Variants in PARD3B observed in about 807,000 individuals in gnomAD.
PARD3B encodes the protein partitioning defective 3 homolog B.
A neutral mutation model predicts 130.2 loss-of-function variants in PARD3B; 103 were observed. That is an observed-to-expected ratio of 0.79 (90% CI 0.67 to 0.93). The LOEUF is 0.93. Ranked by LOEUF, PARD3B falls within the 40% of genes least tolerant of loss-of-function variation. The pLI, the probability that PARD3B is intolerant of heterozygous loss-of-function variation, is 0.00. For synonymous variants in PARD3B, 583 were observed against 553.2 expected, an observed-to-expected ratio of 1.05 and a Z score of -0.76; for missense variants, 1,609 against 1,499.2, an observed-to-expected ratio of 1.07 and a Z score of -1.21.
intron 2 of PARD3B, among the ~76,000 whole-genome samples, chr2:204,713,100 G>T (rs991479684): frequency 7.2e-5 from 11 of 151,978 alleles, no homozygotes; most frequent in African/African-American, 2.7e-4. Flanking sequence ...GCTTCTTCCT[G>T]TTGAAGGACA....
Position 205,440,492 on chromosome 2 carries a change from G to A in PARD3B, c.2864G>A (p.Arg955Lys), listed in dbSNP as rs1303714185. 6.2e-7 allele frequency: 1 copy of A among 1,613,976 alleles called. No homozygotes were observed. The highest frequency in any genetic ancestry group is 8.5e-7 in the Non-Finnish European group (1 of 1,179,986). ...DDDEMDPNYA[R>K]VNHFREPCTS... ...GATGAAATGGACCCCAATTATGCCA[G>A]AGTGAACCACTTTCGGGAACCATGC... The change falls in exon 20 of 23, where the codon AGA (arginine) becomes AAA (lysine). Residue 955 changes from arginine (R) to lysine (K), a missense_variant. Physicochemically the swap from Arg to Lys is conservative, Grantham distance 26. Coordinates refer to ENST00000406610, the MANE Select transcript of PARD3B (RefSeq NM_001302769.2). The surrounding 1 kb of genome is among the most constrained non-coding windows in gnomAD (Gnocchi z 4.2).
At chr2:205,221,976 G>A (rs2038265274) in intron 15 of PARD3B, among the ~76,000 whole-genome samples, 1 of 152,062 alleles carries the variant, frequency 6.6e-6, no homozygotes, top group Non-Finnish European at 1.5e-5. Context: ...GGAGGAGGGA[G>A]AGGATCAGGA....
chr2:205,543,388 C>T (rs1003977556), intron 21 of PARD3B, among the ~76,000 whole-genome samples: 4 of 152,148 alleles, frequency 2.6e-5, no homozygotes, highest in Non-Finnish European at 5.9e-5. Context: ...CTTTGGAGTT[C>T]AGTGATATGG....
chr2:204,781,198 T>G (rs2041824832), intron 2 of PARD3B, among the ~76,000 whole-genome samples: 1 of 152,150 alleles, frequency 6.6e-6, no homozygotes, highest in Non-Finnish European at 1.5e-5. Context: ...CATGTTTGCT[T>G]TCAAGGAGAA....
At chr2:205,373,722 T>C (rs2044915460) in intron 18 of PARD3B, among the ~76,000 whole-genome samples, 1 of 152,226 alleles carries the variant, frequency 6.6e-6, no homozygotes, top group South Asian at 2.1e-4. Context: ...TTAAATACGT[T>C]GTTGATTTTT....
intron 20 of PARD3B, among the ~76,000 whole-genome samples, chr2:205,469,986 G>A (rs533101699): frequency 1.3e-5 from 2 of 152,112 alleles, no homozygotes; most frequent in Non-Finnish European, 2.9e-5. Flanking sequence ...AAGAATCCTG[G>A]ATCATGCATT....
chr2:205,430,248 G>A (rs984553447), intron 19 of PARD3B, among the ~76,000 whole-genome samples: 7 of 152,098 alleles, frequency 4.6e-5, no homozygotes, highest in Non-Finnish European at 7.4e-5. Context: ...ATATTTATCC[G>A]GGTTTAGTTG....
intron 15 of PARD3B, among the ~76,000 whole-genome samples, chr2:205,197,783 C>G (rs936005163): frequency 6.6e-6 from 1 of 152,074 alleles, no homozygotes; most frequent in Admixed American, 6.6e-5. Context: ...AGACTTTTCC[C>G]TATTTATTTA....
rs1307658986 is a variant in PARD3B at position 205,499,859 on chromosome 2, C to A, written c.3045-37C>A. 6 of 1,590,558 alleles carry A rather than the reference C, an allele frequency of 3.8e-6. No homozygotes were observed. The Admixed American group carries it at 1.0e-4, about 27-fold the overall frequency. On this transcript the variant is annotated intron_variant, in intron 20 of 22. Coordinates refer to ENST00000406610, the MANE Select transcript of PARD3B (RefSeq NM_001302769.2). ...CAAAAGTGATTTCAAAGATGATGTA[C>A]ACTGTGTGAATCTGATTATTTGTCT... is the stretch of plus-strand genomic sequence containing the variant.
chr2:205,476,898 A>T (rs1467213407), intron 20 of PARD3B, among the ~76,000 whole-genome samples: 1 of 152,192 alleles, frequency 6.6e-6, no homozygotes, highest in African/African-American at 2.4e-5. Flanking sequence ...GACATTTTGT[A>T]TTCAAAAATA....
At chr2:205,166,924 A>G (rs2034853329) in intron 11 of PARD3B, among the ~76,000 whole-genome samples, 1 of 152,182 alleles carries the variant, frequency 6.6e-6, no homozygotes, top group Non-Finnish European at 1.5e-5. Context: ...ACATCTGGTC[A>G]TGATTAATCC....
rs541799266 is a variant in PARD3B at position 205,151,422 on chromosome 2, C to G, written c.1435-7300C>G. Among the ~76,000 whole-genome samples the G allele has an allele frequency of 1.2e-4, 18 of 152,234 alleles. 1 individual carries two copies. In the South Asian group the frequency reaches 3.5e-3, roughly 30 times the overall value. On this transcript the variant is annotated intron_variant, in intron 10 of 22. Transcript: ENST00000406610. Reference sequence around the variant, plus strand: ...AAGTCTCTTTGTAGGTCCCTAAGGACTTGCTTTATGAATCTGGGTGCTCCT... The same window carrying G: ...AAGTCTCTTTGTAGGTCCCTAAGGAGTTGCTTTATGAATCTGGGTGCTCCT...
intron 3 of PARD3B, among the ~76,000 whole-genome samples, chr2:205,042,543 A>G (rs1698468572): frequency 1.3e-5 from 2 of 151,818 alleles, no homozygotes; most frequent in Admixed American, 1.3e-4. Flanking sequence ...TACATACCCA[A>G]TCAGGGACTC....
intron 2 of PARD3B, among the ~76,000 whole-genome samples, chr2:204,838,415 A>G (rs893102673): frequency 7.3e-5 from 11 of 150,556 alleles, no homozygotes; most frequent in Admixed American, 2.0e-4. Flanking sequence ...GGGTTTTGCC[A>G]TGTTGGCCAG....
chr2:205,519,358 G>C (rs1459791868), intron 21 of PARD3B, among the ~76,000 whole-genome samples: 3 of 152,062 alleles, frequency 2.0e-5, no homozygotes, highest in Non-Finnish European at 4.4e-5. Flanking sequence ...CCTGATCTTT[G>C]TTTATTCTGC....
intron 21 of PARD3B, among the ~76,000 whole-genome samples, chr2:205,518,897 A>G (rs190074072): frequency 2.6e-5 from 4 of 152,274 alleles, no homozygotes; most frequent in Admixed American, 1.3e-4. Context: ...TCTTTCAGAC[A>G]CTTGAATATA....
chr2:205,472,560 G>C (rs1489541342), intron 20 of PARD3B, among the ~76,000 whole-genome samples: 2 of 151,906 alleles, frequency 1.3e-5, no homozygotes, highest in East Asian at 3.9e-4. Flanking sequence ...AAAATTGTTG[G>C]CTTCTACATG....
chr2:205,507,196 ATTTTTTTTTTTTTTTTTTTT>A (rs71410819), intron 21 of PARD3B, among the ~76,000 whole-genome samples: 30 of 25,194 alleles, frequency 1.2e-3, no homozygotes, highest in African/African-American at 4.5e-3. Flanking sequence ...CAGGTGCAGT[ATTTTTTTTTTTTTTTTTTTT>A]TTTTTTTTTT....
At chr2:205,615,375 C>T in intron 22 of PARD3B, 81 bp from the exon 23 acceptor site, 1 of 1,237,636 alleles carries the variant, frequency 8.1e-7, no homozygotes, top group Non-Finnish European at 1.1e-6. Context: ...CACCAAACTG[C>T]ACAGGAGGCT....
Sources: gnomAD v4.1 joint callset for allele counts (sites outside exome capture counted in the v4.1 genomes callset) on GRCh38, gnomAD v4.1.1 for gene constraint, Gnocchi (gnomAD v3.1) non-coding constraint, MANE v1.5 for transcripts, NCBI Gene and HGNC (gene_info 2026-07-23, HGNC 2026-07-21) for gene names.